GRXCR1: variants seen among roughly 807,000 people sequenced by gnomAD.
GRXCR1 encodes glutaredoxin domain-containing cysteine-rich protein 1.
Under a neutral mutation model 27.3 loss-of-function variants are expected in GRXCR1, and 27 were observed. The observed-to-expected ratio is 0.99, with a 90% CI of 0.73 to 1.37. The LOEUF (loss-of-function observed/expected upper bound fraction) is 1.37. Ranked by LOEUF, GRXCR1 falls within the 40% of genes most tolerant of loss-of-function variation. The probability of loss-of-function intolerance (pLI) is 0.00; values close to 1 mark genes in which losing one functional copy is unlikely to be tolerated. For missense variants in GRXCR1, 379 were observed against 354.4 expected (o/e 1.07, Z -0.56); for synonymous variants, 122 against 131.1 (o/e 0.93, Z 0.47).
At chr4:42,949,785 C>G (rs1467064548) in intron 1 of GRXCR1, among the ~76,000 whole-genome samples, 4 of 152,106 alleles carry the variant, frequency 2.6e-5, no homozygotes, top group Non-Finnish European at 5.9e-5. Context: ...AAGAGTGAAG[C>G]CTGGAAGCCT....
chr4:42,898,495 C>T (rs1185411344), intron 1 of GRXCR1, among the ~76,000 whole-genome samples: 1 of 152,002 alleles, frequency 6.6e-6, no homozygotes, highest in Non-Finnish European at 1.5e-5. Context: ...TTATGCATCT[C>T]TGGTTCACTG....
At chr4:42,908,531 T>G in intron 1 of GRXCR1, among the ~76,000 whole-genome samples, 1 of 152,204 alleles carries the variant, frequency 6.6e-6, no homozygotes. Flanking sequence ...GCAGTAAGCT[T>G]CATATTTTCT....
intron 1 of GRXCR1, among the ~76,000 whole-genome samples, chr4:42,922,782 C>A (rs1054075294): frequency 2.6e-5 from 4 of 152,056 alleles, no homozygotes; most frequent in African/African-American, 9.6e-5. Flanking sequence ...GCTAGATACC[C>A]CTTCATGGCC....
At chr4:42,950,034 G>A (rs1160256684) in intron 1 of GRXCR1, among the ~76,000 whole-genome samples, 1 of 152,170 alleles carries the variant, frequency 6.6e-6, no homozygotes, top group Non-Finnish European at 1.5e-5. Flanking sequence ...GGGATTGGCT[G>A]CATTTAGGTG....
intron 2 of GRXCR1, among the ~76,000 whole-genome samples, chr4:42,968,298 T>C (rs548844526): frequency 6.6e-6 from 1 of 152,252 alleles, no homozygotes; most frequent in African/African-American, 2.4e-5. Flanking sequence ...TTGTCTGATG[T>C]CCAATATTAT....
chr4:42,985,224 T>C lies in GRXCR1; in HGVS notation c.627+22090T>C, dbSNP rs111604979. Among the ~76,000 whole-genome samples the C allele has an allele frequency of 4.6e-3, 704 of 152,322 alleles. 2 individuals are homozygous for C. The highest frequency in any genetic ancestry group is 0.016 in the African/African-American group (653 of 41,574). On this transcript the variant is annotated intron_variant, in intron 2 of 3. Coordinates refer to ENST00000399770, the MANE Select transcript of GRXCR1 (RefSeq NM_001080476.3). ...ATCACCGGAAAGTCCTCTTCTGCCATGTTGCTTCACTCTTCTCTCCTATAT... is the reference window on the plus strand; with the variant it reads ...ATCACCGGAAAGTCCTCTTCTGCCACGTTGCTTCACTCTTCTCTCCTATAT...
At chr4:42,928,220 A>T (rs1021262477) in intron 1 of GRXCR1, among the ~76,000 whole-genome samples, 1 of 151,982 alleles carries the variant, frequency 6.6e-6, no homozygotes, top group Non-Finnish European at 1.5e-5. Context: ...TTGGAAGCAC[A>T]TATGGAGAAA....
At chr4:42,991,437 T>A (rs915390919) in intron 2 of GRXCR1, among the ~76,000 whole-genome samples, 9 of 151,000 alleles carry the variant, frequency 6.0e-5, no homozygotes, top group African/African-American at 9.7e-5. Context: ...TATATATCTA[T>A]ATATACCTCT....
At chr4:43,018,676 GA>G (rs1196934674) in intron 2 of GRXCR1, among the ~76,000 whole-genome samples, 1 of 152,056 alleles carries the variant, frequency 6.6e-6, no homozygotes, top group Non-Finnish European at 1.5e-5. Context: ...TCTTTCATTT[GA>G]GAAAAATGGG....
chr4:42,996,143 G>A (rs893566027), intron 2 of GRXCR1, among the ~76,000 whole-genome samples: 2 of 152,086 alleles, frequency 1.3e-5, no homozygotes, highest in Non-Finnish European at 2.9e-5. Flanking sequence ...AAATTTAGAG[G>A]TCAAAATGAT....
intron 1 of GRXCR1, among the ~76,000 whole-genome samples, chr4:42,925,595 A>T (rs1747140940): frequency 6.6e-6 from 1 of 152,012 alleles, no homozygotes; most frequent in Non-Finnish European, 1.5e-5. Context: ...ATATTCTCAG[A>T]TATAACTGTC....
intron 2 of GRXCR1, among the ~76,000 whole-genome samples, chr4:42,999,434 A>T (rs1239171793): frequency 6.6e-6 from 1 of 152,212 alleles, no homozygotes. Flanking sequence ...ACACAGCCTT[A>T]GTTGGTCCCA....
At chr4:42,963,429 G>A (rs1368636745) in intron 2 of GRXCR1, among the ~76,000 whole-genome samples, 2 of 151,752 alleles carry the variant, frequency 1.3e-5, no homozygotes, top group Non-Finnish European at 2.9e-5. Context: ...TGGCATGTGG[G>A]ATAAAGACTG....
At chr4:42,938,862 G>A (rs1193969594) in intron 1 of GRXCR1, among the ~76,000 whole-genome samples, 1 of 146,340 alleles carries the variant, frequency 6.8e-6, no homozygotes, top group East Asian at 2.0e-4. Context: ...ATTGGTCTAC[G>A]TGTCTGTTTT....
intron 3 of GRXCR1, among the ~76,000 whole-genome samples, chr4:43,027,830 C>T (rs1471436379): frequency 1.3e-5 from 2 of 152,102 alleles, no homozygotes; most frequent in Non-Finnish European, 2.9e-5. Flanking sequence ...AATAATTGGT[C>T]CAGGTATGGT....
intron 2 of GRXCR1, among the ~76,000 whole-genome samples, chr4:42,982,228 C>T (rs1022736121): frequency 2.7e-5 from 4 of 149,230 alleles, no homozygotes; most frequent in Non-Finnish European, 5.9e-5. Flanking sequence ...ACAACAGTCC[C>T]CAGAGTGTGA....
chr4:42,935,259 T>C (rs1577912047), intron 1 of GRXCR1, among the ~76,000 whole-genome samples: 1 of 151,980 alleles, frequency 6.6e-6, no homozygotes, highest in East Asian at 1.9e-4. Flanking sequence ...AGCAGTTTCC[T>C]CAATAAGGTA....
chr4:42,963,784 A>G (rs909244756), intron 2 of GRXCR1, among the ~76,000 whole-genome samples: 3 of 152,006 alleles, frequency 2.0e-5, no homozygotes, highest in Admixed American at 2.0e-4. Context: ...GCCCACAGAC[A>G]GGGCTCCAGA....
At chr4:43,030,234 G>A (rs1469894716) in intron 3 of GRXCR1, 127 bp from the exon 4 acceptor site, 5 of 796,834 alleles carry the variant, frequency 6.3e-6, no homozygotes, top group African/African-American at 1.7e-5. Context: ...GTGAATTCAA[G>A]TGTATAGCCA....
Sources: allele counts gnomAD v4.1 joint callset (sites outside exome capture counted in the v4.1 genomes callset), GRCh38; gene constraint gnomAD v4.1.1; transcripts MANE v1.5; gene names NCBI Gene and HGNC (gene_info 2026-07-23, HGNC 2026-07-21).